The following NRXN3 variants were observed in gnomAD, a reference collection of about 807,000 sequenced individuals.
NRXN3 encodes the protein neurexin 3.
NRXN3 carries 32 observed loss-of-function variants against 137.6 expected under a neutral mutation model. The ratio of observed to expected loss-of-function variants is 0.23; its 90% CI spans 0.18 to 0.31. NRXN3 has a LOEUF of 0.31. NRXN3 is among the 10% of genes least tolerant of loss of function. The pLI is 1.00. For synonymous variants in NRXN3, 798 were observed against 784.5 expected (o/e 1.02, Z -0.29); for missense variants, 1,574 against 2,062.5 (o/e 0.76, Z 4.59).
intron 4 of NRXN3, among the ~76,000 whole-genome samples, chr14:78,610,934 G>A (rs1455676771): frequency 6.6e-6 from 1 of 152,186 alleles, no homozygotes; most frequent in Non-Finnish European, 1.5e-5. Context: ...TTTATCAGGT[G>A]GAAGCAGAGA....
intron 4 of NRXN3, among the ~76,000 whole-genome samples, chr14:78,479,761 T>G (rs779276545): frequency 1.3e-5 from 2 of 152,222 alleles, no homozygotes; most frequent in Non-Finnish European, 2.9e-5. Context: ...GTTTTTGTAA[T>G]TATTTTATGC....
chr14:79,100,327 G>A (rs2202180), intron 15 of NRXN3, among the ~76,000 whole-genome samples: 82,793 of 151,740 alleles, frequency 0.55, 24,161 homozygotes, highest in East Asian at 0.78. Flanking sequence ...ATCCCCGATC[G>A]TCTCTTTCTT....
chr14:79,174,179 T>C (rs2062067101), intron 15 of NRXN3, among the ~76,000 whole-genome samples: 1 of 152,202 alleles, frequency 6.6e-6, no homozygotes, highest in Non-Finnish European at 1.5e-5. Flanking sequence ...GTAGCGTTAA[T>C]GTCTAGACTC....
At chr14:79,220,458 C>T (rs999032605) in intron 15 of NRXN3, among the ~76,000 whole-genome samples, 2 of 152,104 alleles carry the variant, frequency 1.3e-5, no homozygotes, top group Non-Finnish European at 2.9e-5. Context: ...AGTATTGACA[C>T]GTCATCACCC....
intron 2 of NRXN3, among the ~76,000 whole-genome samples, chr14:78,262,921 AAGCACAGAGAC>A (rs2071019470): frequency 6.6e-6 from 1 of 152,246 alleles, no homozygotes; most frequent in African/African-American, 2.4e-5. Flanking sequence ...GAGGAGACGG[AAGCACAGAGAC>A]TTCCCGATCT....
chr14:79,122,064 T>C (rs1029783351), intron 15 of NRXN3, among the ~76,000 whole-genome samples: 2 of 152,334 alleles, frequency 1.3e-5, no homozygotes, highest in Non-Finnish European at 2.9e-5. Flanking sequence ...TGCCAACTTA[T>C]TCCACTGCGG....
At chr14:78,321,548 T>C (rs1283658611) in intron 4 of NRXN3, among the ~76,000 whole-genome samples, 1 of 152,108 alleles carries the variant, frequency 6.6e-6, no homozygotes, top group East Asian at 1.9e-4. Context: ...TTTTAAAGGT[T>C]CCTGCAAGGC....
intron 2 of NRXN3, among the ~76,000 whole-genome samples, chr14:78,266,239 T>C (rs2071677269): frequency 6.6e-6 from 1 of 152,204 alleles, no homozygotes; most frequent in Non-Finnish European, 1.5e-5. Flanking sequence ...ATTATTAATA[T>C]GTGAATGTGA....
rs560236240 is a variant in NRXN3 at position 78,607,463 on chromosome 14, T to C, written c.758-37657T>C. 3.9e-3 allele frequency among the ~76,000 whole-genome samples: 587 copies of C among 152,252 alleles called. 5 individuals carry two copies. The highest frequency in any genetic ancestry group is 0.013 in the African/African-American group (536 of 41,552). ...CCTGACACAGTGATCTCACCTCCTT[T>C]GGCTCAGTCCTCTCCTTCGTCATTG... is the stretch of plus-strand genomic sequence containing the variant. On this transcript the variant is annotated intron_variant, in intron 4 of 20. Transcript: ENST00000335750.
At chr14:79,791,964 G>T (rs914739261) in intron 19 of NRXN3, among the ~76,000 whole-genome samples, 1 of 152,230 alleles carries the variant, frequency 6.6e-6, no homozygotes, top group African/African-American at 2.4e-5. Context: ...CACTTTAAAG[G>T]CAAGGACCAA....
At chr14:79,132,748 C>G (rs2057718203) in intron 15 of NRXN3, among the ~76,000 whole-genome samples, 1 of 152,160 alleles carries the variant, frequency 6.6e-6, no homozygotes, top group South Asian at 2.1e-4. Flanking sequence ...TAGGAACAGA[C>G]TCTGAGATTG....
chr14:79,437,215 G>A (rs954901620), intron 15 of NRXN3, among the ~76,000 whole-genome samples: 1 of 151,928 alleles, frequency 6.6e-6, no homozygotes, highest in Non-Finnish European at 1.5e-5. Flanking sequence ...CCTTCATGGT[G>A]TTTTATACCT....
At chr14:78,259,131 C>CAA (rs138126967) in intron 2 of NRXN3, among the ~76,000 whole-genome samples, 1,426 of 93,052 alleles carry the variant, frequency 0.015, 24 homozygotes, top group African/African-American at 0.048. Context: ...GACTCCATCT[C>CAA]AAAAAAAAAA....
At chr14:79,540,958 C>CCTTCTGG (rs1306462015) in intron 16 of NRXN3, among the ~76,000 whole-genome samples, 17 of 152,136 alleles carry the variant, frequency 1.1e-4, no homozygotes, top group African/African-American at 4.1e-4. Context: ...ATCAAGGTGT[C>CCTTCTGG]AGCAAGGCTG....
chr14:79,189,443 C>G (rs892755909), intron 15 of NRXN3, among the ~76,000 whole-genome samples: 1 of 151,130 alleles, frequency 6.6e-6, no homozygotes, highest in East Asian at 2.0e-4. Context: ...TGCTAAATGG[C>G]GAGTTAATGG....
chr14:79,504,274 A>G (rs1601341922), intron 16 of NRXN3, among the ~76,000 whole-genome samples: 1 of 152,222 alleles, frequency 6.6e-6, no homozygotes, highest in East Asian at 1.9e-4. Flanking sequence ...TTTGAGACAG[A>G]TTGTTATTCT....
intron 4 of NRXN3, among the ~76,000 whole-genome samples, chr14:78,370,028 C>G (rs2086573568): frequency 6.6e-6 from 1 of 151,894 alleles, no homozygotes; most frequent in Admixed American, 6.6e-5. Context: ...TCGTCTTTTT[C>G]CCTGGTCACT....
intron 10 of NRXN3, among the ~76,000 whole-genome samples, chr14:78,918,950 G>A (rs954128423): frequency 3.3e-5 from 5 of 151,968 alleles, no homozygotes; most frequent in African/African-American, 7.2e-5. Flanking sequence ...TTTCCTCATC[G>A]TTACGTGAAG....
In NRXN3 at chr14:78,570,648, T is replaced by C. The variant is rs563121393; in HGVS notation, c.758-74472T>C. On this transcript the variant is annotated intron_variant, in intron 4 of 20. Coordinates refer to ENST00000335750, the MANE Select transcript of NRXN3 (RefSeq NM_001330195.2). ...ACAGAATCCTGGCAAAAGGAGACAG[T>C]CTTCTCAGTCTGGTCAAGGGCTATG... Among the ~76,000 whole-genome samples, 23 of 152,320 alleles carry C rather than the reference T, an allele frequency of 1.5e-4. No individual in the cohort carries two copies. The South Asian group carries it at 4.6e-3, about 30-fold the overall frequency.
Sources: allele counts gnomAD v4.1 joint callset (sites outside exome capture counted in the v4.1 genomes callset), GRCh38; gene constraint gnomAD v4.1.1; transcripts MANE v1.5; gene names NCBI Gene and HGNC (gene_info 2026-07-23, HGNC 2026-07-21).